Variants in ZNF106 observed in about 807,000 individuals in gnomAD.
ZNF106 encodes zinc finger protein 106, also known as SH3-domain binding protein 3.
Under a neutral mutation model 195.1 loss-of-function variants are expected in ZNF106, and 67 were observed. The observed-to-expected ratio is 0.34, with a 90% CI of 0.28 to 0.42. ZNF106 has a LOEUF of 0.42. Ranked by LOEUF, ZNF106 falls within the 10% of genes least tolerant of loss-of-function variation. The pLI, the probability that ZNF106 is intolerant of heterozygous loss-of-function variation, is 1.00. For missense variants in ZNF106, 2,118 were observed against 2,304.5 expected, an observed-to-expected ratio of 0.92 and a Z score of 1.66; for synonymous variants, 784 against 818.6, an observed-to-expected ratio of 0.96 and a Z score of 0.72.
Position 42,439,547 on chromosome 15 carries a change from G to C in ZNF106, c.4030C>G (p.Pro1344Ala), listed in dbSNP as rs759435188. Residue 1344 changes from proline (P) to alanine (A), a missense_variant, in exon 11 of 22, where the codon CCT (proline) becomes GCT (alanine). Physicochemically the swap from Pro to Ala is conservative, Grantham distance 27. Coordinates refer to ENST00000564754, the MANE Select transcript of ZNF106 (RefSeq NM_001366845.3). ...FLRLSFASETPLEKEPHSPAD... is the reference protein window; with the variant it reads ...FLRLSFASETALEKEPHSPAD... ...GGAGAGTGGGGTTCCTTCTCCAAAGGGGTTTCTGAAGCAAAAGACAATCTT... is the reference window on the plus strand; with the variant it reads ...GGAGAGTGGGGTTCCTTCTCCAAAGCGGTTTCTGAAGCAAAAGACAATCTT... The C allele has an allele frequency of 7.4e-5, 119 of 1,614,054 alleles. No individual in the cohort carries two copies. The highest frequency in any genetic ancestry group is 9.6e-5 in the Non-Finnish European group (113 of 1,180,042).
intron 14 of ZNF106, among the ~76,000 whole-genome samples, chr15:42,430,727 C>T (rs1342433467): frequency 1.3e-5 from 2 of 152,042 alleles, no homozygotes; most frequent in Non-Finnish European, 2.9e-5. Flanking sequence ...ATATACCAAA[C>T]CTGTTTGTCC....
At chr15:42,425,085 ACAT>A (rs2054806936) in intron 15 of ZNF106, 60 bp from the exon 16 acceptor site, 1 of 1,522,214 alleles carries the variant, frequency 6.6e-7, no homozygotes, top group South Asian at 1.1e-5. Context: ...CAACTAACCA[ACAT>A]CATTACCTTG....
chr15:42,467,775 C>A (rs1406599263), intron 2 of ZNF106, among the ~76,000 whole-genome samples: 2 of 152,148 alleles, frequency 1.3e-5, no homozygotes, highest in African/African-American at 2.4e-5. Context: ...CGCCACTGCA[C>A]TCCAGCCTGG....
At chr15:42,471,268 G>A (rs1423342653) in intron 2 of ZNF106, among the ~76,000 whole-genome samples, 2 of 152,234 alleles carry the variant, frequency 1.3e-5, no homozygotes, top group East Asian at 3.9e-4. Flanking sequence ...GGCTAACCTA[G>A]CCCATGATCC....
At chr15:42,471,273 T>C (rs553620546) in intron 2 of ZNF106, among the ~76,000 whole-genome samples, 18 of 152,326 alleles carry the variant, frequency 1.2e-4, no homozygotes, top group African/African-American at 3.1e-4. Context: ...ACCTAGCCCA[T>C]GATCCTCCCA....
Position 42,435,527 on chromosome 15 carries a change from T to G in ZNF106, c.4747-9A>C. ...CCAATACATTTCCGACTCTAAAGTTTAAGCACAGACCAGATTATTACTTAT... is the reference window on the plus strand; with the variant it reads ...CCAATACATTTCCGACTCTAAAGTTGAAGCACAGACCAGATTATTACTTAT... On this transcript the variant is annotated splice_polypyrimidine_tract_variant and intron_variant, in intron 13 of 21. Coordinates refer to ENST00000564754, the MANE Select transcript of ZNF106 (RefSeq NM_001366845.3). The G allele has an allele frequency of 6.2e-7, 1 of 1,614,200 alleles. No homozygotes were observed. The highest frequency in any genetic ancestry group is 8.5e-7 in the Non-Finnish European group (1 of 1,180,014).
rs764789941 is a variant in ZNF106, at chr15:42,451,045, A to T, written c.1227T>A (p.Thr409=). 1 of 1,614,180 alleles carries T rather than the reference A, an allele frequency of 6.2e-7. No individual in the cohort carries two copies. The highest frequency in any genetic ancestry group is 8.5e-7 in the Non-Finnish European group (1 of 1,180,034). ...EKPLFDFSLI[T]TGIQEPQTDE... is the part of the protein sequence containing the mutation. Reference sequence around the variant, plus strand: ...CAGTTTGGGGCTCCTGTATTCCTGTAGTTATCAAGCTAAAATCAAAGAGAG... The same window carrying T: ...CAGTTTGGGGCTCCTGTATTCCTGTTGTTATCAAGCTAAAATCAAAGAGAG... The change falls in exon 5 of 22, where the codon ACT becomes ACA. Residue 409 remains threonine (T), a synonymous_variant. Transcript: ENST00000564754.
At chr15:42,435,546 T>C (rs368424586) in intron 13 of ZNF106, 28 bp from the exon 14 acceptor site, 3 of 1,613,754 alleles carry the variant, frequency 1.9e-6, no homozygotes, top group Non-Finnish European at 2.5e-6. Context: ...ACCAGATTAT[T>C]ACTTATGAGA....
At chr15:42,434,445 G>A (rs566158189) in intron 14 of ZNF106, among the ~76,000 whole-genome samples, 14 of 152,266 alleles carry the variant, frequency 9.2e-5, no homozygotes, top group Admixed American at 1.3e-4. Context: ...TGCCTCTAGG[G>A]ATTATATTTT....
chr15:42,441,059 G>C (rs1445369817), intron 10 of ZNF106, among the ~76,000 whole-genome samples: 3 of 110,212 alleles, frequency 2.7e-5, no homozygotes, highest in South Asian at 6.5e-4. Flanking sequence ...GCTAAGTCAC[G>C]CGCAGTGGCT....
chr15:42,427,200 C>CT (rs1232212131), intron 15 of ZNF106, among the ~76,000 whole-genome samples: 1 of 152,182 alleles, frequency 6.6e-6, no homozygotes, highest in Non-Finnish European at 1.5e-5. Context: ...TCAGCTTCCA[C>CT]TACAAAACCT....
At chr15:42,459,531 G>A (rs1326333439) in intron 3 of ZNF106, among the ~76,000 whole-genome samples, 1 of 152,048 alleles carries the variant, frequency 6.6e-6, no homozygotes, top group African/African-American at 2.4e-5. Flanking sequence ...CAGTTTACCA[G>A]GGATACCGAT....
chr15:42,417,359 T>C lies in ZNF106; in HGVS notation c.5666A>G (p.Asp1889Gly), dbSNP rs1291183222. The C allele has an allele frequency of 1.2e-6, 2 of 1,613,704 alleles. No homozygotes were observed. The highest frequency in any genetic ancestry group is 2.7e-5 in the African/African-American group (2 of 74,990). Reference protein sequence around the residue: ...FFTARKGSKQDAAGHIERHAE... With the variant: ...FFTARKGSKQGAAGHIERHAE... Reference sequence around the variant, plus strand: ...ATGTCGTTCAATATGTCCTGCAGCATCCTAGGAATGAAGGGAAAAGGGCCC... The same window carrying C: ...ATGTCGTTCAATATGTCCTGCAGCACCCTAGGAATGAAGGGAAAAGGGCCC... The change falls in exon 22 of 22, where the codon GAT (aspartate) becomes GGT (glycine). Residue 1889 changes from aspartate (D) to glycine (G), a missense_variant and splice_region_variant. Coordinates refer to ENST00000564754, the MANE Select transcript of ZNF106 (RefSeq NM_001366845.3).
chr15:42,472,447 C>T (rs576302157), intron 1 of ZNF106, 126 bp from the exon 2 acceptor site: 23 of 641,834 alleles, frequency 3.6e-5, no homozygotes, highest in Admixed American at 2.5e-4. Context: ...CAGATCTTTC[C>T]GTTTCCAGGT....
chr15:42,424,772 G>C, intron 16 of ZNF106, 62 bp downstream of exon 16: 2 of 1,526,034 alleles, frequency 1.3e-6, no homozygotes, highest in Non-Finnish European at 1.8e-6. Context: ...GAGCCACCTC[G>C]CCTGGCCTCA....
At chr15:42,440,220 G>A (rs1450664921) in intron 10 of ZNF106, among the ~76,000 whole-genome samples, 1 of 152,150 alleles carries the variant, frequency 6.6e-6, no homozygotes, top group Non-Finnish European at 1.5e-5. Context: ...CTACAGCTTA[G>A]TAGTTAAAAA....
At position 42,451,413 on chromosome 15, in the gene ZNF106, T is replaced by A. The variant is rs775870197; in HGVS notation, c.859A>T (p.Asn287Tyr). ...CQMEDMTMLW[N>Y]KKSNKSNKYS... Reference sequence around the variant, plus strand: ...TTGTTTGACTTATTAGATTTCTTGTTCCATAGCATAGTCATGTCTTCCATT... The same window carrying A: ...TTGTTTGACTTATTAGATTTCTTGTACCATAGCATAGTCATGTCTTCCATT... The change falls in exon 5 of 22, where the codon AAC (asparagine) becomes TAC (tyrosine). Residue 287 changes from asparagine (N) to tyrosine (Y), a missense_variant. Transcript: ENST00000564754. 1.9e-6 allele frequency: 3 copies of A among 1,614,230 alleles called. No homozygotes were observed. Among genetic ancestry groups the A allele is most frequent in the Non-Finnish European group, 2.5e-6 (3 of 1,180,036 alleles).
At chr15:42,463,706 G>A (rs112336713) in intron 3 of ZNF106, among the ~76,000 whole-genome samples, 10,012 of 152,222 alleles carry the variant, frequency 0.066, 423 homozygotes, top group South Asian at 0.15. Context: ...AAGCTGAGGT[G>A]GGAGGATTGT....
chr15:42,433,473 TTC>T (rs1321119391), intron 14 of ZNF106, among the ~76,000 whole-genome samples: 1 of 132,120 alleles, frequency 7.6e-6, no homozygotes, highest in Admixed American at 7.6e-5. Flanking sequence ...CTTTGCATTG[TTC>T]TTTTTTTTTT....
Sources: gnomAD v4.1 joint callset for allele counts (sites outside exome capture counted in the v4.1 genomes callset) on GRCh38, gnomAD v4.1.1 for gene constraint, MANE v1.5 for transcripts, NCBI Gene and HGNC (gene_info 2026-07-23, HGNC 2026-07-21) for gene names.